Variants in ZNF827 observed in about 807,000 individuals in gnomAD.
The protein encoded by ZNF827 is zinc finger protein 827.
A neutral mutation model predicts 102.4 loss-of-function variants in ZNF827; 13 were observed. The observed-to-expected ratio is 0.13, with a 90% CI of 0.08 to 0.20. ZNF827 has a LOEUF of 0.20. Ranked by LOEUF, ZNF827 falls within the 10% of genes least tolerant of loss-of-function variation. The probability of loss-of-function intolerance (pLI) is 1.00; values close to 1 mark genes in which losing one functional copy is unlikely to be tolerated. For missense variants in ZNF827, 1,103 were observed against 1,344.4 expected, an observed-to-expected ratio of 0.82 and a Z score of 2.81; for synonymous variants, 523 against 536.2, an observed-to-expected ratio of 0.98 and a Z score of 0.34.
rs760886857 is a variant in ZNF827 at position 145,775,913 on chromosome 4, G to A, written c.2569C>T (p.Arg857Cys). Residue 857 changes from arginine (R) to cysteine (C), a missense_variant, in exon 10 of 15, where the codon CGT becomes TGT. Transcript: ENST00000508784. ...GTCAAGTGCTGGTTCAGATTTGCAC[G>A]GCACTTAGCAGCATAGGGGCACAAG... Reference protein sequence around the residue: ...CHLCPYAAKCRANLNQHLTVH... With the variant: ...CHLCPYAAKCCANLNQHLTVH... 4.3e-6 allele frequency: 7 copies of A among 1,614,140 alleles called. No homozygotes were observed. The highest frequency in any genetic ancestry group is 2.2e-5 in the South Asian group (2 of 91,074).
chr4:145,811,046 C>T (rs1192782965), intron 8 of ZNF827, among the ~76,000 whole-genome samples: 1 of 149,744 alleles, frequency 6.7e-6, no homozygotes, highest in East Asian at 2.0e-4. Context: ...GGCTGGAGTG[C>T]AGTGGCACAA....
In ZNF827 at chr4:145,898,822, G is replaced by A. The variant is rs576060448; in HGVS notation, c.1093+3344C>T. Among the ~76,000 whole-genome samples, 5 of 152,104 alleles carry A rather than the reference G, an allele frequency of 3.3e-5. No homozygotes were observed. The East Asian group carries it at 9.6e-4, about 29-fold the overall frequency. ...ACCTAAAAGACAATTTTTTTTTCAT[G>A]GTTTGGACTTCCCTTGACCTAAAGA... On this transcript the variant is annotated intron_variant, in intron 2 of 14. Transcript: ENST00000508784.
At chr4:145,779,567 G>A in intron 8 of ZNF827, 56 bp from the exon 9 acceptor site, 1 of 1,583,776 alleles carries the variant, frequency 6.3e-7, no homozygotes, top group South Asian at 1.2e-5. Flanking sequence ...TACATTTTCT[G>A]TTAGTCAACA....
rs1377320234 is a variant in ZNF827, at chr4:145,828,483, G to A, written c.2280-4958C>T. ...TATCACAACATATTCCCTTTGGCCC[G>A]GGTCAAAGACAGGCTAGCTGGAAGA... On this transcript the variant is annotated intron_variant, in intron 7 of 14. Coordinates refer to ENST00000508784, the MANE Select transcript of ZNF827 (RefSeq NM_001306215.2). 4.6e-5 allele frequency among the ~76,000 whole-genome samples: 7 copies of A among 151,990 alleles called. No individual in the cohort carries two copies. In the East Asian group the frequency reaches 9.6e-4, roughly 21 times the overall value.
chr4:145,926,061 A>G (rs536914785), intron 1 of ZNF827, among the ~76,000 whole-genome samples: 1 of 152,300 alleles, frequency 6.6e-6, no homozygotes, highest in East Asian at 1.9e-4. Flanking sequence ...ATTTGTTTCC[A>G]TCTCTTTCTC....
chr4:145,928,096 C>T (rs1341750486), intron 1 of ZNF827, among the ~76,000 whole-genome samples: 2 of 152,130 alleles, frequency 1.3e-5, no homozygotes, highest in African/African-American at 4.8e-5. Flanking sequence ...CCCAGGTCCA[C>T]GAGCTAATTT....
chr4:145,844,677 CAAATAAATAAAT>C (rs72118300), intron 7 of ZNF827, among the ~76,000 whole-genome samples: 23,609 of 128,224 alleles, frequency 0.18, 2,783 homozygotes, highest in East Asian at 0.51. Context: ...GAGACTGTCT[CAAATAAATAAAT>C]AAATAAATAA....
intron 8 of ZNF827, among the ~76,000 whole-genome samples, chr4:145,821,149 AAAATGTAT>A (rs1363286749): frequency 6.6e-6 from 1 of 152,228 alleles, no homozygotes; most frequent in Non-Finnish European, 1.5e-5. Flanking sequence ...GTTCTTCAAC[AAAATGTAT>A]AAATTTCACC....
chr4:145,869,016 A>G (rs147462173), intron 5 of ZNF827, among the ~76,000 whole-genome samples: 214 of 152,384 alleles, frequency 1.4e-3, no homozygotes, highest in African/African-American at 4.7e-3. Flanking sequence ...TTCAGCTTTT[A>G]TAATAGCAAA....
intron 2 of ZNF827, among the ~76,000 whole-genome samples, chr4:145,897,801 G>C (rs978017783): frequency 3.9e-5 from 6 of 152,266 alleles, no homozygotes; most frequent in African/African-American, 1.4e-4. Flanking sequence ...TAAAAATCTA[G>C]GTTAAAAAGT....
At position 145,763,166 on chromosome 4, in the gene ZNF827, A is replaced by G. The variant is rs1329689833; in HGVS notation, c.3231-44T>C. 2.0e-6 allele frequency: 3 copies of G among 1,529,554 alleles called. No individual in the cohort carries two copies. The highest frequency in any genetic ancestry group is 1.7e-4 in the Middle Eastern group (1 of 5,996). 94.7% of individuals were successfully genotyped at this position (1,529,554 alleles called of 1,614,324 possible). ...AATAGTATAATCTTATTTGATCTGC[A>G]TTATGAACAGGATATAGAGTACAAG... On this transcript the variant is annotated intron_variant, in intron 13 of 14. Coordinates refer to ENST00000508784, the MANE Select transcript of ZNF827 (RefSeq NM_001306215.2). This position sits in a 1 kb window ranked among gnomAD's most constrained non-coding sequence, Gnocchi z 4.6.
intron 1 of ZNF827, among the ~76,000 whole-genome samples, chr4:145,918,242 C>T (rs1429199042): frequency 7.0e-6 from 1 of 142,684 alleles, no homozygotes; most frequent in Non-Finnish European, 1.5e-5. Context: ...CTACTTTATG[C>T]TTTGCGGGGC....
intron 13 of ZNF827, 77 bp downstream of exon 13, chr4:145,764,911 G>T (rs1302139085): frequency 1.2e-6 from 2 of 1,601,718 alleles, no homozygotes; most frequent in South Asian, 2.2e-5. Context: ...AAACCTTCAC[G>T]GGAAGGGACG....
intron 5 of ZNF827, among the ~76,000 whole-genome samples, chr4:145,864,420 C>CAAAAAAAAA (rs34745619): frequency 1.6e-5 from 1 of 60,806 alleles, no homozygotes; most frequent in East Asian, 5.2e-4. Flanking sequence ...CTTGTCTCTA[C>CAAAAAAAAA]AAAAAAAAAA....
chr4:145,882,601 T>C (rs1749763547), intron 4 of ZNF827, among the ~76,000 whole-genome samples: 1 of 152,226 alleles, frequency 6.6e-6, no homozygotes, highest in Non-Finnish European at 1.5e-5. Context: ...CAATCATCTT[T>C]ATGCTTAGTT....
chr4:145,856,240 T>C (rs1747093342), intron 5 of ZNF827, among the ~76,000 whole-genome samples: 1 of 152,088 alleles, frequency 6.6e-6, no homozygotes, highest in Admixed American at 6.6e-5. Context: ...ACGTGATCTG[T>C]CCTCTCGGTC....
chr4:145,860,280 C>T (rs1020191554), intron 5 of ZNF827, among the ~76,000 whole-genome samples: 5 of 152,242 alleles, frequency 3.3e-5, no homozygotes, highest in Admixed American at 6.5e-5. Flanking sequence ...AGGGGAGGGG[C>T]TCTTAATGCA....
At chr4:145,845,479 G>A (rs1185268494) in intron 7 of ZNF827, among the ~76,000 whole-genome samples, 2 of 152,074 alleles carry the variant, frequency 1.3e-5, no homozygotes, top group South Asian at 2.1e-4. Flanking sequence ...TCCAAATAAC[G>A]CTGGGAGGTT....
chr4:145,792,949 C>T lies in ZNF827; in HGVS notation c.2384-13438G>A, dbSNP rs564463690. On this transcript the variant is annotated intron_variant, in intron 8 of 14. Transcript: ENST00000508784. ...GTGGAAATGCAATACATTCTAGTTA[C>T]GTGCCCTGTTACTGTAGGTTGTTTG... 1.1e-3 allele frequency among the ~76,000 whole-genome samples: 172 copies of T among 152,082 alleles called. 1 individual carries two copies. The highest frequency in any genetic ancestry group is 2.0e-3 in the Admixed American group (31 of 15,268).
Sources: gnomAD v4.1 joint callset for allele counts (sites outside exome capture counted in the v4.1 genomes callset) on GRCh38, gnomAD v4.1.1 for gene constraint, Gnocchi (gnomAD v3.1) non-coding constraint, MANE v1.5 for transcripts, NCBI Gene and HGNC (gene_info 2026-07-23, HGNC 2026-07-21) for gene names.